Variants in COMMD1 observed in about 807,000 individuals in gnomAD.
COMMD1 encodes the protein copper metabolism domain containing 1, also known as COMM domain-containing protein 1.
A neutral mutation model predicts 17.2 loss-of-function variants in COMMD1; 10 were observed. The observed-to-expected ratio is 0.58, with a 90% CI of 0.36 to 0.99. The LOEUF is 0.99. Ranked by LOEUF, COMMD1 falls within the 50% of genes least tolerant of loss-of-function variation. COMMD1 has a pLI of 0.01. For missense variants in COMMD1, 270 were observed against 231.8 expected, an observed-to-expected ratio of 1.17 and a Z score of -1.07; for synonymous variants, 97 against 91.6, an observed-to-expected ratio of 1.06 and a Z score of -0.34.
intron 1 of COMMD1, among the ~76,000 whole-genome samples, chr2:61,897,995 ATCT>A (rs1416003459): frequency 2.6e-5 from 4 of 152,204 alleles, no homozygotes; most frequent in African/African-American, 4.8e-5. Flanking sequence ...AATTAATGGA[ATCT>A]TCTTCTACCA....
At chr2:61,890,606 C>T (rs1350015652) in intron 1 of COMMD1, among the ~76,000 whole-genome samples, 1 of 151,788 alleles carries the variant, frequency 6.6e-6, no homozygotes, top group African/African-American at 2.4e-5. Flanking sequence ...TTTGGGAGGC[C>T]GAGGTGGGTG....
At chr2:62,040,806 G>A (rs1018680973) in intron 2 of COMMD1, among the ~76,000 whole-genome samples, 1 of 152,094 alleles carries the variant, frequency 6.6e-6, no homozygotes, top group South Asian at 2.1e-4. Flanking sequence ...TGCCTCCTGG[G>A]TTCAAGCAGT....
intron 2 of COMMD1, among the ~76,000 whole-genome samples, chr2:62,119,450 A>G (rs1672686944): frequency 6.6e-6 from 1 of 152,190 alleles, no homozygotes; most frequent in Non-Finnish European, 1.5e-5. Context: ...ATTAATCCTC[A>G]CAACCCATAC....
chr2:62,086,104 C>G (rs1380364674), intron 2 of COMMD1, among the ~76,000 whole-genome samples: 1 of 152,066 alleles, frequency 6.6e-6, no homozygotes, highest in Non-Finnish European at 1.5e-5. Flanking sequence ...AGCGCTTGAG[C>G]CCAGGAGGTG....
chr2:62,076,752 T>C (rs1284965715), intron 2 of COMMD1, among the ~76,000 whole-genome samples: 2 of 151,210 alleles, frequency 1.3e-5, no homozygotes, highest in Non-Finnish European at 2.9e-5. Context: ...ATCTCAAAAA[T>C]AAAGAAAGAG....
At chr2:62,026,828 G>T (rs1669770591) in intron 2 of COMMD1, among the ~76,000 whole-genome samples, 1 of 152,112 alleles carries the variant, frequency 6.6e-6, no homozygotes, top group Non-Finnish European at 1.5e-5. Context: ...GTTAAAGATT[G>T]TTCTGAAAAT....
chr2:62,097,882 G>A (rs1047132926), intron 2 of COMMD1, among the ~76,000 whole-genome samples: 32 of 152,180 alleles, frequency 2.1e-4, no homozygotes, highest in Admixed American at 9.2e-4. Context: ...AAGTAGGGGG[G>A]AAACCCTCTC....
intron 2 of COMMD1, among the ~76,000 whole-genome samples, chr2:62,126,874 G>T (rs952960962): frequency 6.6e-6 from 1 of 152,096 alleles, no homozygotes; most frequent in South Asian, 2.1e-4. Context: ...GAAAGTTCTG[G>T]CCAGGGCAAG....
chr2:62,014,100 CTT>C (rs1024299900), intron 2 of COMMD1, among the ~76,000 whole-genome samples: 4 of 152,152 alleles, frequency 2.6e-5, no homozygotes, highest in African/African-American at 7.2e-5. Context: ...AGATGAGTGT[CTT>C]TGCAGATTCA....
rs1257906464 is a variant in COMMD1 at position 62,003,535 on chromosome 2, C to T, written c.462+2553C>T. 1.7e-4 allele frequency among the ~76,000 whole-genome samples: 25 copies of T among 145,184 alleles called. 1 individual carries two copies. The highest frequency in any genetic ancestry group is 1.1e-3 in the South Asian group (5 of 4,550). ...CAGCCTGGGCGACAGAGTGAGACTCCGTCTCAAAAAAAAAAAACAAAAAAA... is the reference window on the plus strand; with the variant it reads ...CAGCCTGGGCGACAGAGTGAGACTCTGTCTCAAAAAAAAAAAACAAAAAAA... On this transcript the variant is annotated intron_variant, in intron 2 of 2. Transcript: ENST00000311832.
chr2:61,896,966 A>G (rs960859606), intron 1 of COMMD1, among the ~76,000 whole-genome samples: 1 of 151,852 alleles, frequency 6.6e-6, no homozygotes, highest in Non-Finnish European at 1.5e-5. Context: ...AGTAGCTGGG[A>G]TTACAGGTGC....
At chr2:61,931,078 G>C (rs985979029) in intron 1 of COMMD1, among the ~76,000 whole-genome samples, 1 of 152,106 alleles carries the variant, frequency 6.6e-6, no homozygotes, top group African/African-American at 2.4e-5. Context: ...TTGGGAGGCT[G>C]ATGCAGGAGG....
At chr2:61,982,329 G>GTA (rs1360712191) in intron 1 of COMMD1, among the ~76,000 whole-genome samples, 2 of 151,958 alleles carry the variant, frequency 1.3e-5, no homozygotes, top group Non-Finnish European at 2.9e-5. Flanking sequence ...GCTGATTTTC[G>GTA]TATGTTAATT....
rs1573180891 is a variant in COMMD1 at position 62,096,266 on chromosome 2, G to T, written c.463-39565G>T. Among the ~76,000 whole-genome samples the T allele has an allele frequency of 2.0e-5, 3 of 152,160 alleles. No individual in the cohort carries two copies. The South Asian group carries it at 6.2e-4, about 32-fold the overall frequency. On this transcript the variant is annotated intron_variant, in intron 2 of 2. Transcript: ENST00000311832. Reference sequence around the variant, plus strand: ...TGACTGTTACTCTTCTCCATATATTGGGCAAAAAACTAAGAGGGAAGAGAA... The same window carrying T: ...TGACTGTTACTCTTCTCCATATATTTGGCAAAAAACTAAGAGGGAAGAGAA...
chr2:62,019,119 C>G (rs1056277885), intron 2 of COMMD1, among the ~76,000 whole-genome samples: 4 of 126,244 alleles, frequency 3.2e-5, no homozygotes, highest in African/African-American at 1.2e-4. Flanking sequence ...CTCCCTCCCT[C>G]CCTCCCTCCC....
chr2:61,941,240 C>T (rs545244826), intron 1 of COMMD1, among the ~76,000 whole-genome samples: 34 of 151,784 alleles, frequency 2.2e-4, no homozygotes, highest in Non-Finnish European at 4.1e-4. Flanking sequence ...GTTGGCCAGG[C>T]TGGTCTTGAG....
chr2:61,903,249 GCCTGGCC>G (rs1669697142), upstream of COMMD1, among the ~76,000 whole-genome samples: 1 of 152,076 alleles, frequency 6.6e-6, no homozygotes, highest in Non-Finnish European at 1.5e-5. Flanking sequence ...TTTGAGACCA[GCCTGGCC>G]AACATGGTGA....
intron 1 of COMMD1, among the ~76,000 whole-genome samples, chr2:61,996,314 ATGTGTGTGTGTGTG>A (rs70946774): frequency 4.0e-4 from 57 of 142,398 alleles, no homozygotes; most frequent in Non-Finnish European, 4.6e-4. Context: ...TGTTTTCTAA[ATGTGTGTGTGTGTG>A]TGTGTGTGTG....
chr2:62,003,640 A>C lies in COMMD1; in HGVS notation c.462+2658A>C, dbSNP rs564283651. 4.5e-4 allele frequency among the ~76,000 whole-genome samples: 67 copies of C among 148,562 alleles called. No individual in the cohort carries two copies. In the South Asian group the frequency reaches 8.5e-3, roughly 19 times the overall value. ...CACACACACACACACACACACACAC[A>C]CCCAACAGATTAGAAAAGTTTAATA... On this transcript the variant is annotated intron_variant, in intron 2 of 2. Transcript: ENST00000311832.
Sources: allele counts gnomAD v4.1 joint callset (sites outside exome capture counted in the v4.1 genomes callset), GRCh38; gene constraint gnomAD v4.1.1; transcripts MANE v1.5; gene names NCBI Gene and HGNC (gene_info 2026-07-23, HGNC 2026-07-21).